Variants in NDUFA10 observed in about 807,000 individuals in gnomAD.
NDUFA10 encodes the protein NADH:ubiquinone oxidoreductase subunit A10, also known as NADH dehydrogenase [ubiquinone] 1 alpha subcomplex subunit 10, mitochondrial.
Under a neutral mutation model 47.8 loss-of-function variants are expected in NDUFA10, and 40 were observed. That is an observed-to-expected ratio of 0.84 (90% CI 0.65 to 1.09). The LOEUF is 1.09. Among genes scored for constraint, NDUFA10 ranks in the 50% least tolerant of loss-of-function variants. NDUFA10 has a pLI of 0.00. For synonymous variants in NDUFA10, 183 were observed against 172.2 expected (o/e 1.06, Z -0.49); for missense variants, 413 against 451.1 (o/e 0.92, Z 0.76).
intron 4 of NDUFA10, among the ~76,000 whole-genome samples, chr2:239,915,419 C>G (rs1197946629): frequency 8.3e-5 from 5 of 60,600 alleles, no homozygotes; most frequent in African/African-American, 6.0e-4. Context: ...CACACATACA[C>G]AGACACAAAT....
intron 4 of NDUFA10, among the ~76,000 whole-genome samples, chr2:239,938,081 A>G (rs1042023177): frequency 1.3e-5 from 2 of 152,010 alleles, no homozygotes; most frequent in Non-Finnish European, 2.9e-5. Context: ...AGCCTCGGGG[A>G]TAAGAGAAGG....
At chr2:239,955,140 A>C (rs541367804), downstream of NDUFA10, among the ~76,000 whole-genome samples, 3 of 152,290 alleles carry the variant, frequency 2.0e-5, no homozygotes, top group South Asian at 6.2e-4. Context: ...TCCACTAATA[A>C]GTCTTCGTGT....
At chr2:239,898,454 C>T (rs924309691) in intron 4 of NDUFA10, among the ~76,000 whole-genome samples, 2 of 152,018 alleles carry the variant, frequency 1.3e-5, no homozygotes, top group African/African-American at 2.4e-5. Context: ...GCCCCCGGCC[C>T]ACAAGTGAAT....
intron 9 of NDUFA10, among the ~76,000 whole-genome samples, chr2:239,984,518 T>G (rs1421457600): frequency 6.6e-6 from 1 of 152,210 alleles, no homozygotes. Context: ...AAGCCCAATA[T>G]CATATATTCT....
chr2:239,923,589 C>T (rs745357011), intron 4 of NDUFA10, among the ~76,000 whole-genome samples: 43 of 151,836 alleles, frequency 2.8e-4, no homozygotes, highest in Non-Finnish European at 4.1e-4. Flanking sequence ...AATAAAAACA[C>T]ACACATCAAA....
At chr2:239,983,201 A>C (rs1183610857) in intron 9 of NDUFA10, among the ~76,000 whole-genome samples, 2 of 152,160 alleles carry the variant, frequency 1.3e-5, no homozygotes, top group African/African-American at 2.4e-5. Flanking sequence ...CAGAGAAGCC[A>C]ATCTAGAAAG....
chr2:239,956,573 C>T (rs1429363070), downstream of NDUFA10, among the ~76,000 whole-genome samples: 1 of 152,192 alleles, frequency 6.6e-6, no homozygotes, highest in Non-Finnish European at 1.5e-5. Flanking sequence ...CTCCTGGAGT[C>T]GGGACGGCCC....
chr2:239,917,931 G>A (rs1693903598), intron 4 of NDUFA10, among the ~76,000 whole-genome samples: 1 of 152,238 alleles, frequency 6.6e-6, no homozygotes, highest in Non-Finnish European at 1.5e-5. Flanking sequence ...GGTTTCAGCA[G>A]AGGAGCAGCA....
chr2:239,893,229 G>A (rs965394928), intron 5 of NDUFA10, among the ~76,000 whole-genome samples: 4 of 152,188 alleles, frequency 2.6e-5, no homozygotes, highest in African/African-American at 9.7e-5. Flanking sequence ...GTACACGGCA[G>A]AGAACACAGT....
chr2:239,975,296 C>G (rs1215629832), intron 9 of NDUFA10, among the ~76,000 whole-genome samples: 3 of 152,230 alleles, frequency 2.0e-5, no homozygotes, highest in Non-Finnish European at 4.4e-5. Flanking sequence ...CCTGTACAGC[C>G]TGCAGAACCG....
At chr2:239,990,627 C>T (rs920213752) in intron 8 of NDUFA10, among the ~76,000 whole-genome samples, 2 of 152,158 alleles carry the variant, frequency 1.3e-5, no homozygotes, top group Non-Finnish European at 2.9e-5. Context: ...TAGCTTCAGT[C>T]CCTCTGGGGT....
chr2:239,974,577 A>G (rs1181832228), intron 9 of NDUFA10, among the ~76,000 whole-genome samples: 2 of 152,250 alleles, frequency 1.3e-5, no homozygotes, highest in Non-Finnish European at 2.9e-5. Context: ...TGTTTGGATC[A>G]TGCGGGCTGA....
chr2:239,959,512 T>G lies in NDUFA10; in HGVS notation c.*1606A>C. ...CCCAATGCCCAGCTGTGCTTTCATT[T>G]CATGATTAAAGCTGTTGGTTTCCTA... On this transcript the variant is annotated 3_prime_UTR_variant, in exon 10 of 10. Transcript: ENST00000252711. 1 of 985,476 alleles carries G rather than the reference T, an allele frequency of 1.0e-6. No homozygotes were observed. Among genetic ancestry groups the G allele is most frequent in the Non-Finnish European group, 1.2e-6 (1 of 829,936 alleles). 61.0% of individuals were successfully genotyped at this position (985,476 alleles called of 1,614,324 possible).
Position 239,990,075 on chromosome 2 carries a change from T to C in NDUFA10, c.998A>G (p.Glu333Gly). The C allele has an allele frequency of 1.2e-6, 2 of 1,602,458 alleles. No individual in the cohort carries two copies. Among genetic ancestry groups the C allele is most frequent in the East Asian group, 2.2e-5 (1 of 44,802 alleles). The change falls in exon 9 of 10, where the codon GAG becomes GGG. Residue 333 changes from glutamate to glycine, a missense_variant and splice_region_variant. Coordinates refer to ENST00000252711, the MANE Select transcript of NDUFA10 (RefSeq NM_004544.4). ...QTDRVLHQFR[E>G]LPGRKYSPGY... ...CTTTCTCCATTTCCACAGTCTTACC[T>C]CTCTGAACTGATGTAAGACACGGTC... is the stretch of plus-strand genomic sequence containing the variant.
At chr2:239,972,080 C>G (rs1425423098) in intron 9 of NDUFA10, among the ~76,000 whole-genome samples, 1 of 152,032 alleles carries the variant, frequency 6.6e-6, no homozygotes. Flanking sequence ...TCCTAGTAGT[C>G]ACCTCAGGGA....
chr2:239,975,212 C>T (rs532119136), intron 9 of NDUFA10, among the ~76,000 whole-genome samples: 3 of 152,364 alleles, frequency 2.0e-5, no homozygotes, highest in East Asian at 1.9e-4. Flanking sequence ...TTAGGATGTA[C>T]CTGCTTCCCC....
At position 239,978,963 on chromosome 2, in the gene NDUFA10, C is replaced by T. The variant is rs1695648887; in HGVS notation, c.999+11111G>A. On this transcript the variant is annotated intron_variant, in intron 9 of 9. Transcript: ENST00000252711. ...AAAAAGTATCTTAAAAGACATGGAG[C>T]TCTTTTCATGTGAAAGTTAGAATAA... Among the ~76,000 whole-genome samples the T allele has an allele frequency of 3.3e-5, 5 of 152,166 alleles. 1 individual carries two copies. Among genetic ancestry groups the T allele is most frequent in the African/African-American group, 9.7e-5 (4 of 41,432 alleles).
chr2:239,915,469 TACAC>T (rs199606874), intron 4 of NDUFA10, among the ~76,000 whole-genome samples: 5 of 97,690 alleles, frequency 5.1e-5, no homozygotes, highest in Admixed American at 9.6e-5. Flanking sequence ...TACACATACA[TACAC>T]ACACACAGAA....
At chr2:239,892,889 A>AG (rs576400271) in intron 5 of NDUFA10, among the ~76,000 whole-genome samples, 74 of 152,324 alleles carry the variant, frequency 4.9e-4, no homozygotes, top group African/African-American at 1.6e-3. Flanking sequence ...ATGTGTAGGC[A>AG]GGGGGGCAAG....
Sources: gnomAD v4.1 joint callset for allele counts (sites outside exome capture counted in the v4.1 genomes callset) on GRCh38, gnomAD v4.1.1 for gene constraint, MANE v1.5 for transcripts, NCBI Gene and HGNC (gene_info 2026-07-23, HGNC 2026-07-21) for gene names.